The following PTPRN2 variants were observed in gnomAD, a reference collection of about 807,000 sequenced individuals.
PTPRN2 encodes the protein protein tyrosine phosphatase receptor type N2, also known as receptor-type tyrosine-protein phosphatase N2.
In PTPRN2, 74 loss-of-function variants were observed where a neutral mutation model predicts 118.8. The observed-to-expected ratio is 0.62, with a 90% confidence interval of 0.52 to 0.76. PTPRN2 has a LOEUF of 0.76. Among genes scored for constraint, PTPRN2 ranks in the 30% least tolerant of loss-of-function variants. The pLI is 0.00. For missense variants in PTPRN2, 1,481 were observed against 1,394.4 expected (o/e 1.06, Z -0.99); for synonymous variants, 641 against 608.0 (o/e 1.05, Z -0.80).
chr7:158,152,910 A>G (rs1019289989), intron 6 of PTPRN2, among the ~76,000 whole-genome samples: 1 of 135,778 alleles, frequency 7.4e-6, no homozygotes, highest in Non-Finnish European at 1.6e-5. Flanking sequence ...GCACGCCAGC[A>G]GGCCACCGAC....
At position 157,585,105 on chromosome 7, in the gene PTPRN2, C is replaced by A. The variant is rs117883862; in HGVS notation, c.2497-6965G>T. The stretch of plus-strand genomic sequence containing the variant: ...ATTTAGGGATGACACGATGAGGTGA[C>A]GTAGCCCACACACACGTCAGCAGTG... On this transcript the variant is annotated intron_variant, in intron 17 of 22. Transcript: ENST00000389418. The surrounding 1 kb of genome is among the most constrained non-coding windows in gnomAD (Gnocchi z 5.2). Among the ~76,000 whole-genome samples, 1 of 152,112 alleles carries A rather than the reference C, an allele frequency of 6.6e-6. No homozygotes were observed. Among genetic ancestry groups the A allele is most frequent in the Non-Finnish European group, 1.5e-5 (1 of 68,032 alleles).
At chr7:157,954,647 C>T (rs901371726) in intron 11 of PTPRN2, among the ~76,000 whole-genome samples, 1 of 151,972 alleles carries the variant, frequency 6.6e-6, no homozygotes, top group Non-Finnish European at 1.5e-5. Context: ...TGGTCTCAGC[C>T]GGGGTGATAT....
At chr7:158,217,837 G>T (rs1481895325) in intron 3 of PTPRN2, among the ~76,000 whole-genome samples, 1 of 152,034 alleles carries the variant, frequency 6.6e-6, no homozygotes, top group Non-Finnish European at 1.5e-5. Context: ...GCTGAGAGAA[G>T]AATTTTAGAG....
At chr7:158,334,002 C>G (rs141580040) in intron 2 of PTPRN2, among the ~76,000 whole-genome samples, 1,383 of 11,242 alleles carry the variant, frequency 0.12, 646 homozygotes, top group African/African-American at 0.36. Flanking sequence ...CCGCAGACAT[C>G]ACTCACACAC....
chr7:158,092,395 T>C (rs1280324539), intron 10 of PTPRN2, among the ~76,000 whole-genome samples: 1 of 151,004 alleles, frequency 6.6e-6, no homozygotes, highest in Non-Finnish European at 1.5e-5. Flanking sequence ...GATAAGTGGA[T>C]AGATATATGG....
intron 2 of PTPRN2, among the ~76,000 whole-genome samples, chr7:158,429,767 C>A (rs1434914287): frequency 6.6e-6 from 1 of 152,218 alleles, no homozygotes; most frequent in Non-Finnish European, 1.5e-5. Context: ...CAGATGGATG[C>A]AGGAGTGGGT....
chr7:158,564,089 A>C (rs1201486093), intron 1 of PTPRN2, among the ~76,000 whole-genome samples: 1 of 152,236 alleles, frequency 6.6e-6, no homozygotes, highest in African/African-American at 2.4e-5. Flanking sequence ...ATCTGAGTTA[A>C]CTGTTGCCAT....
At chr7:157,807,138 G>A (rs1431181784) in intron 12 of PTPRN2, among the ~76,000 whole-genome samples, 1 of 152,250 alleles carries the variant, frequency 6.6e-6, no homozygotes. Flanking sequence ...AGCTGGCAAA[G>A]CTGTAGGTGA....
intron 12 of PTPRN2, among the ~76,000 whole-genome samples, chr7:157,883,186 C>T (rs763304165): frequency 1.7e-4 from 26 of 149,990 alleles, no homozygotes; most frequent in Non-Finnish European, 3.0e-4. Flanking sequence ...GATCAAAACA[C>T]ATCACCCCAA....
In PTPRN2 at chr7:157,598,972, G is replaced by GC. The variant is rs1283212695; in HGVS notation, c.2419-3658dup. Among the ~76,000 whole-genome samples, 17 of 152,070 alleles carry GC rather than the reference G, an allele frequency of 1.1e-4. No individual in the cohort carries two copies. The highest frequency in any genetic ancestry group is 4.1e-4 in the African/African-American group (17 of 41,490). ...CCAAGTGACTTCATGAAAATCAACA[G>GC]CCAGAAGGCAAGTACAATTAACAGT... is the stretch of plus-strand genomic sequence containing the variant. On this transcript the variant is annotated intron_variant, in intron 16 of 22. Transcript: ENST00000389418. This position sits in a 1 kb window ranked among gnomAD's most constrained non-coding sequence, Gnocchi z 5.2.
chr7:158,535,436 G>A (rs1275271482), intron 1 of PTPRN2, among the ~76,000 whole-genome samples: 4 of 152,136 alleles, frequency 2.6e-5, no homozygotes, highest in African/African-American at 9.7e-5. Flanking sequence ...ACCTGCAATG[G>A]GAGGGTACCT....
intron 11 of PTPRN2, among the ~76,000 whole-genome samples, chr7:157,959,313 A>G (rs921185400): frequency 7.2e-5 from 11 of 152,242 alleles, no homozygotes; most frequent in South Asian, 2.1e-4. Flanking sequence ...CTGATTTCTC[A>G]GTATGACACT....
At chr7:158,065,252 C>A (rs1251267816) in intron 11 of PTPRN2, among the ~76,000 whole-genome samples, 1 of 152,226 alleles carries the variant, frequency 6.6e-6, no homozygotes, top group Non-Finnish European at 1.5e-5. Context: ...CGTGTCCTGG[C>A]TGAGAGACTT....
chr7:158,286,204 T>C (rs1799757897), intron 3 of PTPRN2, among the ~76,000 whole-genome samples: 1 of 152,280 alleles, frequency 6.6e-6, no homozygotes, highest in Non-Finnish European at 1.5e-5. Flanking sequence ...TCTGTGGATT[T>C]TGTATCCTGC....
chr7:158,023,595 C>G (rs73527308), intron 11 of PTPRN2, among the ~76,000 whole-genome samples: 3,087 of 152,228 alleles, frequency 0.02, 109 homozygotes, highest in African/African-American at 0.071. Context: ...TTGCGGTGTC[C>G]CCCACTGCCT....
intron 12 of PTPRN2, among the ~76,000 whole-genome samples, chr7:157,687,974 A>G (rs946987906): frequency 6.6e-6 from 1 of 152,252 alleles, no homozygotes; most frequent in Non-Finnish European, 1.5e-5. Context: ...AGAAGCTATT[A>G]TCAGAGCAAG....
intron 22 of PTPRN2, among the ~76,000 whole-genome samples, chr7:157,548,271 A>G (rs2116994786): frequency 6.6e-6 from 1 of 152,298 alleles, no homozygotes; most frequent in Non-Finnish European, 1.5e-5. Context: ...CGAATAAAAT[A>G]TAGTGTCCCA....
chr7:158,255,124 G>A (rs1393029626), intron 3 of PTPRN2, among the ~76,000 whole-genome samples: 1 of 152,196 alleles, frequency 6.6e-6, no homozygotes, highest in Admixed American at 6.5e-5. Flanking sequence ...CTCCCTCGCA[G>A]AAGCCCCTGC....
At position 157,822,803 on chromosome 7, in the gene PTPRN2, C is replaced by G. The variant is rs1806934564; in HGVS notation, c.1788+75870G>C. 2.6e-5 allele frequency among the ~76,000 whole-genome samples: 4 copies of G among 152,140 alleles called. No individual in the cohort carries two copies. The South Asian group carries it at 8.3e-4, about 32-fold the overall frequency. ...CCTCCTATATATCCATCAGCCCATC[C>G]ATCCATCCATCCTTATATCCATCCA... On this transcript the variant is annotated intron_variant, in intron 12 of 22. Transcript: ENST00000389418.
Sources: gnomAD v4.1 joint callset for allele counts (sites outside exome capture counted in the v4.1 genomes callset) on GRCh38, gnomAD v4.1.1 for gene constraint, Gnocchi (gnomAD v3.1) non-coding constraint, MANE v1.5 for transcripts, NCBI Gene and HGNC (gene_info 2026-07-23, HGNC 2026-07-21) for gene names.